The following XRCC5 variants were observed in gnomAD, a reference collection of about 807,000 sequenced individuals.
The protein encoded by XRCC5 is X-ray repair cross complementing 5.
XRCC5 carries 12 observed loss-of-function variants against 95.7 expected under a neutral mutation model. The observed-to-expected ratio is 0.13, with a 90% CI of 0.08 to 0.20. The LOEUF (loss-of-function observed/expected upper bound fraction) is 0.20. XRCC5 is among the 10% of genes least tolerant of loss of function. The probability of loss-of-function intolerance (pLI) is 1.00; values close to 1 mark genes in which losing one functional copy is unlikely to be tolerated. For synonymous variants in XRCC5, 281 were observed against 290.3 expected (o/e 0.97, Z 0.33); for missense variants, 595 against 873.9 (o/e 0.68, Z 4.02).
At chr2:216,139,747 A>G (rs893492393) in intron 12 of XRCC5, among the ~76,000 whole-genome samples, 9 of 152,280 alleles carry the variant, frequency 5.9e-5, no homozygotes, top group African/African-American at 9.6e-5. Context: ...GGTTCAAACA[A>G]TCCTCACATC....
At chr2:216,131,072 G>A (rs925994301) in intron 9 of XRCC5, 85 bp downstream of exon 9, 5 of 1,426,338 alleles carry the variant, frequency 3.5e-6, no homozygotes, top group Non-Finnish European at 4.7e-6. Flanking sequence ...TATTTATAAG[G>A]TATATTTATT....
At chr2:216,194,072 A>G (rs991408709) in intron 18 of XRCC5, among the ~76,000 whole-genome samples, 2 of 152,206 alleles carry the variant, frequency 1.3e-5, no homozygotes, top group African/African-American at 2.4e-5. Context: ...GTAGTTCCAT[A>G]TTGGGCACCG....
At chr2:216,196,922 AC>A (rs953720306) in intron 19 of XRCC5, among the ~76,000 whole-genome samples, 5 of 152,172 alleles carry the variant, frequency 3.3e-5, no homozygotes, top group Non-Finnish European at 5.9e-5. Flanking sequence ...TTTTTGTTAA[AC>A]AAGTAAATCA....
intron 18 of XRCC5, among the ~76,000 whole-genome samples, chr2:216,193,401 T>G (rs984730500): frequency 1.3e-5 from 2 of 152,238 alleles, no homozygotes; most frequent in African/African-American, 2.4e-5. Context: ...TGAAAATGAT[T>G]ATGTTTATGA....
intron 10 of XRCC5, 66 bp downstream of exon 10, chr2:216,132,453 T>A: frequency 6.7e-7 from 1 of 1,496,222 alleles, no homozygotes; most frequent in Non-Finnish European, 9.3e-7. Context: ...GAAAGCAAGT[T>A]GTTTGGGGCT....
chr2:216,133,055 G>A (rs1322375564), intron 10 of XRCC5, among the ~76,000 whole-genome samples: 1 of 152,160 alleles, frequency 6.6e-6, no homozygotes, highest in African/African-American at 2.4e-5. Context: ...TTGGGGTGGG[G>A]GTAGGGTGGT....
chr2:216,162,144 T>C (rs955180659), intron 16 of XRCC5, 96 bp downstream of exon 16: 66 of 1,229,126 alleles, frequency 5.4e-5, no homozygotes, highest in East Asian at 2.9e-4. Flanking sequence ...TGTAACACTT[T>C]AGCATTTTTC....
chr2:216,197,160 T>C (rs1689738789), intron 19 of XRCC5, among the ~76,000 whole-genome samples: 1 of 152,184 alleles, frequency 6.6e-6, no homozygotes, highest in South Asian at 2.1e-4. Flanking sequence ...AGGCTTGTTC[T>C]GTAATGCAAA....
intron 20 of XRCC5, 103 bp downstream of exon 20, chr2:216,204,499 T>C (rs1298393339): frequency 1.5e-6 from 2 of 1,313,282 alleles, no homozygotes; most frequent in African/African-American, 2.9e-5. Context: ...CTTATTTGTG[T>C]TTTAATTTCC....
chr2:216,148,012 C>A, intron 13 of XRCC5, 71 bp from the exon 14 acceptor site: 1 of 1,490,556 alleles, frequency 6.7e-7, no homozygotes, highest in Non-Finnish European at 9.1e-7. Context: ...ATGGAGGATC[C>A]CTGATCAGAA....
intron 5 of XRCC5, 82 bp from the exon 6 acceptor site, chr2:216,121,980 G>T: frequency 9.1e-6 from 11 of 1,210,538 alleles, no homozygotes; most frequent in East Asian, 2.6e-5. Flanking sequence ...TGAAAAGGTT[G>T]ACTGATGTGC....
Position 216,137,161 on chromosome 2 carries a change from C to G in XRCC5, c.1187C>G (p.Ala396Gly). 1 of 1,613,990 alleles carries G rather than the reference C, an allele frequency of 6.2e-7. No homozygotes were observed. Residue 396 changes from alanine (A) to glycine (G), a missense_variant, in exon 11 of 21, where the codon GCT becomes GGT. Physicochemically the swap from Ala to Gly is moderately conservative, Grantham distance 60 (BLOSUM62 0). Coordinates refer to ENST00000392132, the MANE Select transcript of XRCC5 (RefSeq NM_021141.4). ...DLDMVAIVRYAYDKRANPQVG... is the reference protein window; with the variant it reads ...DLDMVAIVRYGYDKRANPQVG... ...GACATGGTGGCCATAGTTCGATATG[C>G]TTATGACAAAAGAGCTAATCCTCAA...
intron 16 of XRCC5, among the ~76,000 whole-genome samples, chr2:216,164,159 C>T (rs542643020): frequency 9.2e-5 from 14 of 152,304 alleles, no homozygotes; most frequent in African/African-American, 2.9e-4. Context: ...TGTGACAAGT[C>T]AATGAACTCT....
At chr2:216,115,534 A>C (rs1371493829) in intron 2 of XRCC5, among the ~76,000 whole-genome samples, 4 of 129,554 alleles carry the variant, frequency 3.1e-5, no homozygotes, top group African/African-American at 9.9e-5. Flanking sequence ...TACAACTGGG[A>C]ATTGTTGTGT....
intron 7 of XRCC5, among the ~76,000 whole-genome samples, 164 bp from the exon 8 acceptor site, chr2:216,127,372 T>C (rs1263734209): frequency 6.6e-6 from 1 of 152,266 alleles, no homozygotes; most frequent in Non-Finnish European, 1.5e-5. Context: ...TATTTTGTTA[T>C]GAAATAAACT....
intron 16 of XRCC5, among the ~76,000 whole-genome samples, chr2:216,174,719 G>A (rs1689238605): frequency 6.6e-6 from 1 of 152,150 alleles, no homozygotes; most frequent in Non-Finnish European, 1.5e-5. Context: ...TGCACAAGAA[G>A]GGTTTTCTGT....
At chr2:216,109,500 AT>A (rs746623057) in intron 1 of XRCC5, 43 bp downstream of exon 1, 2 of 1,612,362 alleles carry the variant, frequency 1.2e-6, no homozygotes, top group African/African-American at 2.7e-5. Flanking sequence ...CGGACTGGGG[AT>A]CCGGAGAGGG....
At chr2:216,141,540 CT>C (rs71401137) in intron 13 of XRCC5, among the ~76,000 whole-genome samples, 16 of 64,980 alleles carry the variant, frequency 2.5e-4, no homozygotes, top group East Asian at 1.0e-3. Flanking sequence ...TCTTTCTTTT[CT>C]TTTTTTTTTT....
chr2:216,203,674 T>C (rs1207144175), intron 19 of XRCC5, among the ~76,000 whole-genome samples: 1 of 152,198 alleles, frequency 6.6e-6, no homozygotes, highest in Non-Finnish European at 1.5e-5. Context: ...GGTTTTCTCA[T>C]CCATTTCTCA....
Sources: allele counts gnomAD v4.1 joint callset (sites outside exome capture counted in the v4.1 genomes callset), GRCh38; gene constraint gnomAD v4.1.1; transcripts MANE v1.5; gene names NCBI Gene and HGNC (gene_info 2026-07-23, HGNC 2026-07-21).